ZNF891: variants seen among roughly 807,000 people sequenced by gnomAD.
The protein encoded by ZNF891 is zinc finger protein 891.
For missense variants in ZNF891, 589 were observed against 632.7 expected (o/e 0.93, Z 0.74); for synonymous variants, 199 against 209.0 (o/e 0.95, Z 0.41).
rs1378395288 is a variant in ZNF891, at chr12:133,118,628, T to C, written c.*1656A>G. 6.6e-6 allele frequency: 1 copy of C among 152,236 alleles called. No individual in the cohort carries two copies. The highest frequency in any genetic ancestry group is 1.5e-5 in the Non-Finnish European group (1 of 68,050). 9.4% of individuals were successfully genotyped at this position (152,236 alleles called of 1,614,324 possible). ...TGCAAGATCAAGCAGCAAAATCTCA[T>C]GCTTTACTTAGCATTTAAAATTGGT... On this transcript the variant is annotated 3_prime_UTR_variant, in exon 2 of 2. Coordinates refer to ENST00000537226, the MANE Select transcript of ZNF891 (RefSeq NM_001277291.2).
rs775300812 is a variant in ZNF891 at position 133,120,465 on chromosome 12, T to C, written c.1454A>G (p.Glu485Gly). 6.2e-7 allele frequency: 1 copy of C among 1,604,680 alleles called. No homozygotes were observed. Among genetic ancestry groups the C allele is most frequent in the Non-Finnish European group, 8.5e-7 (1 of 1,175,974 alleles). The change falls in exon 2 of 2, where the codon GAG becomes GGG. Residue 485 changes from glutamate (E) to glycine (G), a missense_variant. Coordinates refer to ENST00000537226, the MANE Select transcript of ZNF891 (RefSeq NM_001277291.2). ...LRMHIRTHTG[E>G]KPYECKECRK... ...ACATTCCTTACATTCATAGGGTTTCTCTCCAGTGTGAGTTCTTATATGCAT... is the reference window on the plus strand; with the variant it reads ...ACATTCCTTACATTCATAGGGTTTCCCTCCAGTGTGAGTTCTTATATGCAT...
rs1400412463 is a variant in ZNF891, at chr12:133,113,928, G to A, written c.*6356C>T. 1 of 151,794 alleles carries A rather than the reference G, an allele frequency of 6.6e-6. No individual in the cohort carries two copies. The highest frequency in any genetic ancestry group is 1.5e-5 in the Non-Finnish European group (1 of 67,968). The allele number at this position is 151,794 out of a possible 1,614,324, so 9.4% of individuals were successfully genotyped here. ...AGATGGGGTTTTGCCATGTTGCCTAGGCTGGTTTCAAACTCCTGGGCTCAA... is the reference window on the plus strand; with the variant it reads ...AGATGGGGTTTTGCCATGTTGCCTAAGCTGGTTTCAAACTCCTGGGCTCAA... On this transcript the variant is annotated 3_prime_UTR_variant, in exon 2 of 2. Coordinates refer to ENST00000537226, the MANE Select transcript of ZNF891 (RefSeq NM_001277291.2).
In ZNF891 at chr12:133,116,964, C is replaced by G. The variant is rs2137614371; in HGVS notation, c.*3320G>C. Reference sequence around the variant, plus strand: ...CCATTGCAGCCTGGAGAAAACCACTCCTTCCTTTGAAGTTCATACCATCTA... The same window carrying G: ...CCATTGCAGCCTGGAGAAAACCACTGCTTCCTTTGAAGTTCATACCATCTA... On this transcript the variant is annotated 3_prime_UTR_variant, in exon 2 of 2. Coordinates refer to ENST00000537226, the MANE Select transcript of ZNF891 (RefSeq NM_001277291.2). 1 of 152,394 alleles carries G rather than the reference C, an allele frequency of 6.6e-6. No individual in the cohort carries two copies. The highest frequency in any genetic ancestry group is 1.5e-5 in the Non-Finnish European group (1 of 68,064). 9.4% of individuals were successfully genotyped at this position (152,394 alleles called of 1,614,324 possible).
At chr12:133,127,803 A>C (rs758964485) in intron 1 of ZNF891, among the ~76,000 whole-genome samples, 19 of 152,230 alleles carry the variant, frequency 1.2e-4, no homozygotes, top group Non-Finnish European at 2.4e-4. Flanking sequence ...ATGTCCAGGA[A>C]AGGAGAAAAG....
In ZNF891 at chr12:133,111,359, G is replaced by T. The variant is rs1955681787; in HGVS notation, c.*8925C>A. 1 of 152,078 alleles carries T rather than the reference G, an allele frequency of 6.6e-6. No individual in the cohort carries two copies. Among genetic ancestry groups the T allele is most frequent in the Admixed American group, 6.6e-5 (1 of 15,240 alleles). The allele number at this position is 152,078 out of a possible 1,614,324, so 9.4% of individuals were successfully genotyped here. On this transcript the variant is annotated 3_prime_UTR_variant, in exon 2 of 2. Coordinates refer to ENST00000537226, the MANE Select transcript of ZNF891 (RefSeq NM_001277291.2). ...AAATACAAATAAAAAAATTATCCAG[G>T]TGTAATAGCACATGCCTGTGGTCCC...
Position 133,117,624 on chromosome 12 carries a change from C to T in ZNF891, c.*2660G>A, listed in dbSNP as rs904828665. ...AAACTTTATTATGCTGCATATTAAA[C>T]CTCACCATACTACATTCATCACATT... On this transcript the variant is annotated 3_prime_UTR_variant, in exon 2 of 2. Coordinates refer to ENST00000537226, the MANE Select transcript of ZNF891 (RefSeq NM_001277291.2). 2.0e-5 allele frequency: 3 copies of T among 152,220 alleles called. No individual in the cohort carries two copies. The highest frequency in any genetic ancestry group is 7.2e-5 in the African/African-American group (3 of 41,456). The allele number at this position is 152,220 out of a possible 1,614,324, so 9.4% of individuals were successfully genotyped here. A position where few individuals can be genotyped will look rare whatever the true frequency, so the allele number is the denominator to read the frequency against.
Position 133,105,718 on chromosome 12 carries a change from C to T in ZNF891, c.*14566G>A, listed in dbSNP as rs1179168750. Reference sequence around the variant, plus strand: ...AAGTAACAGTCTCTCATCAAGAAGCCCTGGCTCAACATATGAATATCAGTA... The same window carrying T: ...AAGTAACAGTCTCTCATCAAGAAGCTCTGGCTCAACATATGAATATCAGTA... On this transcript the variant is annotated 3_prime_UTR_variant, in exon 2 of 2. Transcript: ENST00000537226. 8 of 1,614,082 alleles carry T rather than the reference C, an allele frequency of 5.0e-6. No individual in the cohort carries two copies. In the Admixed American group the frequency reaches 1.3e-4, roughly 27 times the overall value.
intron 1 of ZNF891, among the ~76,000 whole-genome samples, chr12:133,126,207 G>A (rs187056698): frequency 6.6e-6 from 1 of 151,966 alleles, no homozygotes; most frequent in South Asian, 2.1e-4. Context: ...TAAACTTAGG[G>A]CCGGGCACGG....
At chr12:133,123,428 A>G (rs1955783895) in intron 1 of ZNF891, among the ~76,000 whole-genome samples, 1 of 152,206 alleles carries the variant, frequency 6.6e-6, no homozygotes, top group South Asian at 2.1e-4. Context: ...GGAAAAGGAA[A>G]TTGTTAGGCT....
chr12:133,121,344 T>A lies in ZNF891; in HGVS notation c.575A>T (p.His192Leu). The A allele has an allele frequency of 6.5e-7, 1 of 1,536,068 alleles. No homozygotes were observed. Among genetic ancestry groups the A allele is most frequent in the Non-Finnish European group, 8.7e-7 (1 of 1,146,864 alleles). ...AAGTTTAGAGTTTTCCTCTAATTCA[T>A]GATAGTCACGGAATAGCTCCTGAGG... Reference protein sequence around the residue: ...TVPQELFRDYHELEENSKLGS... With the variant: ...TVPQELFRDYLELEENSKLGS... The change falls in exon 2 of 2, where the codon CAT becomes CTT. Residue 192 changes from histidine (H) to leucine (L), a missense_variant. Transcript: ENST00000537226.
chr12:133,122,186 G>C, intron 1 of ZNF891, 162 bp from the exon 2 acceptor site: 2 of 1,151,206 alleles, frequency 1.7e-6, no homozygotes, highest in Non-Finnish European at 2.1e-6. Context: ...GCAATATAAC[G>C]ATCCTTACCC....
Position 133,113,082 on chromosome 12 carries a change from ATAT to A in ZNF891, c.*7199_*7201del. Reference sequence around the variant, plus strand: ...TCAAAAAATATATATATATATATTTATATTTATTTATTAAAAATATATTTATAA... The same window carrying A: ...TCAAAAAATATATATATATATATTTATTATTTATTAAAAATATATTTATAA... On this transcript the variant is annotated 3_prime_UTR_variant, in exon 2 of 2. Coordinates refer to ENST00000537226, the MANE Select transcript of ZNF891 (RefSeq NM_001277291.2). The A allele has an allele frequency of 1.4e-5, 2 of 147,606 alleles. No homozygotes were observed. The highest frequency in any genetic ancestry group is 7.2e-3 in the Middle Eastern group (2 of 278). 9.1% of individuals were successfully genotyped at this position (147,606 alleles called of 1,614,324 possible).
chr12:133,122,351 T>G (rs776890081), intron 1 of ZNF891: 6 of 438,712 alleles, frequency 1.4e-5, no homozygotes, highest in African/African-American at 2.1e-5. Flanking sequence ...TTTAATGTAC[T>G]ATTTGCTACT....
rs1955543041 is a variant in ZNF891 at position 133,105,148 on chromosome 12, T to G, written c.*15136A>C. On this transcript the variant is annotated 3_prime_UTR_variant, in exon 2 of 2. Transcript: ENST00000537226. ...TGTCTTTGTGCAATCTGACGAACAC[T>G]TAGTGTTTAGTAGCAGCATTATGAA... Among the ~76,000 whole-genome samples the G allele has an allele frequency of 6.6e-6, 1 of 152,222 alleles. No individual in the cohort carries two copies. Among genetic ancestry groups the G allele is most frequent in the African/African-American group, 2.4e-5 (1 of 41,470 alleles).
At position 133,121,863 on chromosome 12, in the gene ZNF891, C is replaced by T; in HGVS notation, c.56G>A (p.Cys19Tyr). The T allele has an allele frequency of 2.6e-6, 4 of 1,536,450 alleles. No individual in the cohort carries two copies. Among genetic ancestry groups the T allele is most frequent in the East Asian group, 2.4e-5 (1 of 40,912 alleles). ...PWALTKQDSA[C>Y]FHLRNAEEER... ...CTCTTCAGCATTTCTCAGATGGAAA[C>T]AGGCAGAGTCCTGTTTAGTTAAAGC... The change falls in exon 2 of 2, where the codon TGT (cysteine) becomes TAT (tyrosine). Residue 19 changes from cysteine (C) to tyrosine (Y), a missense_variant. Physicochemically the swap from Cys to Tyr is radical, Grantham distance 194 (BLOSUM62 -2). Transcript: ENST00000537226.
rs2137616115 is a variant in ZNF891, at chr12:133,118,532, A to C, written c.*1752T>G. ...GGCTAACATGAATAACTACAACAGC[A>C]GCTACTGCCTTCTTTCTTCCACCGT... is the stretch of plus-strand genomic sequence containing the variant. On this transcript the variant is annotated 3_prime_UTR_variant, in exon 2 of 2. Transcript: ENST00000537226. 1 of 152,338 alleles carries C rather than the reference A, an allele frequency of 6.6e-6. No individual in the cohort carries two copies. Among genetic ancestry groups the C allele is most frequent in the African/African-American group, 2.4e-5 (1 of 41,572 alleles). The allele number at this position is 152,338 out of a possible 1,614,324, so 9.4% of individuals were successfully genotyped here. A position where few individuals can be genotyped will look rare whatever the true frequency, so the allele number is the denominator to read the frequency against.
In ZNF891 at chr12:133,114,011, C is replaced by T. The variant is rs1488201333; in HGVS notation, c.*6273G>A. 3 of 152,128 alleles carry T rather than the reference C, an allele frequency of 2.0e-5. No homozygotes were observed. The highest frequency in any genetic ancestry group is 4.8e-5 in the African/African-American group (2 of 41,404). 9.4% of individuals were successfully genotyped at this position (152,128 alleles called of 1,614,324 possible). A position where few individuals can be genotyped will look rare whatever the true frequency, so the allele number is the denominator to read the frequency against. On this transcript the variant is annotated 3_prime_UTR_variant, in exon 2 of 2. Transcript: ENST00000537226. Reference sequence around the variant, plus strand: ...GGGATTACAGATGTGAGCCACCACACCCACCCAGTAAGTTTGTACTAATTT... The same window carrying T: ...GGGATTACAGATGTGAGCCACCACATCCACCCAGTAAGTTTGTACTAATTT...
In ZNF891 at chr12:133,120,558, T is replaced by A. The variant is rs537105052; in HGVS notation, c.1361A>T (p.His454Leu). ...SSHLKVHKKI[H>L]TGENVYECSD... ...GCATTCATAAACATTCTCTCCGGTA[T>A]GAATTTTCTTATGAACTTTAAGGTG... Residue 454 changes from histidine (H) to leucine (L), a missense_variant, in exon 2 of 2, where the codon CAT (histidine) becomes CTT (leucine). By Grantham distance (99) the His-to-Leu change is moderately conservative. Transcript: ENST00000537226. 48 of 1,560,818 alleles carry A rather than the reference T, an allele frequency of 3.1e-5. 2 individuals are homozygous for A. In the South Asian group the frequency reaches 4.9e-4, roughly 16 times the overall value.
intron 1 of ZNF891, among the ~76,000 whole-genome samples, chr12:133,126,330 C>T (rs530172821): frequency 1.3e-5 from 2 of 151,854 alleles, no homozygotes; most frequent in African/African-American, 2.4e-5. Context: ...AAAAATTAGC[C>T]GGGCGTGGTG....
Sources: allele counts gnomAD v4.1 joint callset (sites outside exome capture counted in the v4.1 genomes callset), GRCh38; gene constraint gnomAD v4.1.1; transcripts MANE v1.5; gene names NCBI Gene and HGNC (gene_info 2026-07-23, HGNC 2026-07-21).